AGBL1: variants seen among roughly 807,000 people sequenced by gnomAD.
AGBL1 encodes AGBL carboxypeptidase 1.
In AGBL1, 130 loss-of-function variants were observed where a neutral mutation model predicts 118.9. The observed-to-expected ratio is 1.09, with a 90% CI of 0.95 to 1.26. The LOEUF (loss-of-function observed/expected upper bound fraction) is 1.26. Among genes scored for constraint, AGBL1 ranks in the 50% most tolerant of loss-of-function variants. The probability of loss-of-function intolerance (pLI) is 0.00; values close to 1 mark genes in which losing one functional copy is unlikely to be tolerated. For synonymous variants in AGBL1, 555 were observed against 478.9 expected, an observed-to-expected ratio of 1.16 and a Z score of -2.08; for missense variants, 1,584 against 1,298.1, an observed-to-expected ratio of 1.22 and a Z score of -3.38.
chr15:86,577,104 A>G (rs1407684692), intron 21 of AGBL1, among the ~76,000 whole-genome samples: 1 of 152,204 alleles, frequency 6.6e-6, no homozygotes, highest in Non-Finnish European at 1.5e-5. Context: ...AGAAGACAGG[A>G]AAATGTGGGA....
At chr15:86,905,578 A>C (rs539858533) in intron 22 of AGBL1, among the ~76,000 whole-genome samples, 1 of 152,328 alleles carries the variant, frequency 6.6e-6, no homozygotes, top group East Asian at 1.9e-4. Flanking sequence ...GATTGCCTTT[A>C]TTTCACAGAA....
chr15:86,680,826 C>T (rs1166587061), intron 22 of AGBL1, among the ~76,000 whole-genome samples: 1 of 151,984 alleles, frequency 6.6e-6, no homozygotes, highest in Non-Finnish European at 1.5e-5. Context: ...CTCAGCCTCC[C>T]AAAGTGCTGG....
intron 22 of AGBL1, among the ~76,000 whole-genome samples, chr15:86,888,345 T>A (rs1413200834): frequency 6.7e-6 from 1 of 148,804 alleles, no homozygotes; most frequent in Admixed American, 6.8e-5. Context: ...TTCAGAAGAC[T>A]GGAGCTCTCT....
intron 22 of AGBL1, among the ~76,000 whole-genome samples, chr15:86,880,530 T>G (rs1246548036): frequency 6.6e-6 from 1 of 151,748 alleles, no homozygotes; most frequent in Admixed American, 6.6e-5. Flanking sequence ...CAGTGAGGAG[T>G]GAGCTTGGGG....
chr15:86,744,476 T>C (rs931217207), intron 22 of AGBL1, among the ~76,000 whole-genome samples: 5 of 152,164 alleles, frequency 3.3e-5, no homozygotes, highest in Admixed American at 2.6e-4. Flanking sequence ...TGAGCAGATA[T>C]GGTTTTCTAA....
intron 22 of AGBL1, among the ~76,000 whole-genome samples, chr15:86,888,636 C>T (rs1407308535): frequency 2.0e-5 from 3 of 152,028 alleles, no homozygotes; most frequent in Admixed American, 2.0e-4. Flanking sequence ...TCAGAGATCT[C>T]ATTGGGGATA....
At chr15:86,202,284 C>A (rs1010616328) in intron 5 of AGBL1, among the ~76,000 whole-genome samples, 1 of 152,126 alleles carries the variant, frequency 6.6e-6, no homozygotes. Context: ...CAGAGTGAGA[C>A]TCTGTCTGAA....
rs935694266 is a variant in AGBL1, at chr15:86,454,315, G to A, written c.2555+56769G>A. The stretch of plus-strand genomic sequence containing the variant: ...TATAGAACGATTGGAACTCTCTTAC[G>A]TGGCCAGTTGGGGTGAACTCATATA... On this transcript the variant is annotated intron_variant, in intron 18 of 22. Coordinates refer to ENST00000614907, the MANE Select transcript of AGBL1 (RefSeq NM_001386094.1). Among the ~76,000 whole-genome samples the A allele has an allele frequency of 1.1e-4, 17 of 152,266 alleles. No individual in the cohort carries two copies. In the East Asian group the frequency reaches 1.5e-3, roughly 14 times the overall value.
rs115846628 is a variant in AGBL1 at position 86,665,450 on chromosome 15, A to G, written c.2995-8823A>G. 6.7e-3 allele frequency among the ~76,000 whole-genome samples: 1,020 copies of G among 152,262 alleles called. 8 individuals carry two copies. The highest frequency in any genetic ancestry group is 0.021 in the East Asian group (108 of 5,180). On this transcript the variant is annotated intron_variant, in intron 21 of 22. Transcript: ENST00000614907. Reference sequence around the variant, plus strand: ...ATGATTTGGGGCTGAGAGTAAGCCTACGATGAGAAGAGAATCATAGTATTT... The same window carrying G: ...ATGATTTGGGGCTGAGAGTAAGCCTGCGATGAGAAGAGAATCATAGTATTT...
intron 5 of AGBL1, among the ~76,000 whole-genome samples, chr15:86,166,128 C>G (rs1208124616): frequency 6.6e-6 from 1 of 152,184 alleles, no homozygotes; most frequent in Non-Finnish European, 1.5e-5. Flanking sequence ...TGAACCAAGC[C>G]TTCTACCCTA....
intron 18 of AGBL1, among the ~76,000 whole-genome samples, chr15:86,498,123 T>C (rs1312901956): frequency 2.0e-5 from 3 of 151,932 alleles, no homozygotes; most frequent in African/African-American, 7.2e-5. Context: ...GGGTCCTTCA[T>C]TTCATAATTA....
intron 17 of AGBL1, among the ~76,000 whole-genome samples, chr15:86,364,825 G>T (rs955729524): frequency 6.6e-6 from 1 of 151,188 alleles, no homozygotes; most frequent in African/African-American, 2.4e-5. Context: ...AATTAAATTG[G>T]CTAGTAGCAC....
intron 23 of AGBL1, among the ~76,000 whole-genome samples, chr15:86,966,279 C>CTT (rs200070732): frequency 0.04 from 5,152 of 130,356 alleles, 117 homozygotes; most frequent in Middle Eastern, 0.073. Flanking sequence ...TGAACCATTT[C>CTT]TTTTTTTTTT....
At chr15:86,691,638 C>T (rs998622356) in intron 22 of AGBL1, among the ~76,000 whole-genome samples, 2 of 151,998 alleles carry the variant, frequency 1.3e-5, no homozygotes, top group Non-Finnish European at 2.9e-5. Flanking sequence ...GATGTAAAAA[C>T]TAAGAAAACA....
At chr15:86,474,926 C>T (rs2082535117) in intron 18 of AGBL1, among the ~76,000 whole-genome samples, 1 of 152,230 alleles carries the variant, frequency 6.6e-6, no homozygotes, top group Non-Finnish European at 1.5e-5. Flanking sequence ...GCAATATTCG[C>T]TGTTCTGCAG....
intron 22 of AGBL1, among the ~76,000 whole-genome samples, chr15:86,849,862 T>C (rs1596549233): frequency 6.6e-6 from 1 of 152,270 alleles, no homozygotes; most frequent in Non-Finnish European, 1.5e-5. Flanking sequence ...AGAAACAGAG[T>C]GAGTAAGGCC....
At chr15:86,301,445 T>TA (rs201370961) in intron 17 of AGBL1, among the ~76,000 whole-genome samples, 15 of 148,050 alleles carry the variant, frequency 1.0e-4, no homozygotes, top group South Asian at 4.3e-4. Context: ...ATAGTACAGC[T>TA]AAAAAAAAAA....
chr15:86,897,243 A>G (rs950107561), intron 22 of AGBL1, among the ~76,000 whole-genome samples: 21 of 152,176 alleles, frequency 1.4e-4, no homozygotes, highest in African/African-American at 5.1e-4. Flanking sequence ...TCTCAGCTCC[A>G]AGCACCCTCT....
chr15:86,079,712 C>T (rs1251180573), upstream of AGBL1: 8 of 333,482 alleles, frequency 2.4e-5, 1 homozygote, highest in Non-Finnish European at 4.3e-5. Context: ...ATGCTGGTGC[C>T]CTCCCCACCC....
Sources: allele counts gnomAD v4.1 joint callset (sites outside exome capture counted in the v4.1 genomes callset), GRCh38; gene constraint gnomAD v4.1.1; transcripts MANE v1.5; gene names NCBI Gene and HGNC (gene_info 2026-07-23, HGNC 2026-07-21).